The following MAP2K4 variants were observed in gnomAD, a reference collection of about 807,000 sequenced individuals.
MAP2K4 encodes dual specificity mitogen-activated protein kinase kinase 4.
Under a neutral mutation model 48.5 loss-of-function variants are expected in MAP2K4, and 4 were observed. That is an observed-to-expected ratio of 0.08 (90% CI 0.04 to 0.19). The LOEUF (loss-of-function observed/expected upper bound fraction) is 0.19. MAP2K4 is among the 10% of genes least tolerant of loss of function. The probability of loss-of-function intolerance (pLI) is 1.00; values close to 1 mark genes in which losing one functional copy is unlikely to be tolerated. For synonymous variants in MAP2K4, 166 were observed against 173.1 expected (o/e 0.96, Z 0.32); for missense variants, 258 against 493.3 (o/e 0.52, Z 4.52).
chr17:12,070,120 A>G (rs1970755119), intron 2 of MAP2K4, among the ~76,000 whole-genome samples: 1 of 151,316 alleles, frequency 6.6e-6, no homozygotes, highest in Admixed American at 6.6e-5. Flanking sequence ...AGAATGTGAT[A>G]GTGAAATAAG....
chr17:12,103,418 T>G (rs1238685444), intron 4 of MAP2K4, among the ~76,000 whole-genome samples: 1 of 152,066 alleles, frequency 6.6e-6, no homozygotes, highest in Non-Finnish European at 1.5e-5. Context: ...TCGTTCTGAT[T>G]GTGGTTTCTT....
chr17:12,033,855 C>T (rs1049448981), intron 1 of MAP2K4, among the ~76,000 whole-genome samples: 17 of 152,176 alleles, frequency 1.1e-4, no homozygotes, highest in South Asian at 2.1e-4. Flanking sequence ...ACTGTGTTTC[C>T]CAAGTTGGAG....
chr17:12,034,337 T>G (rs1969528816), intron 1 of MAP2K4, among the ~76,000 whole-genome samples: 1 of 152,226 alleles, frequency 6.6e-6, no homozygotes, highest in South Asian at 2.1e-4. Context: ...CAATGGAGGC[T>G]GGGACAGCGG....
intron 3 of MAP2K4, among the ~76,000 whole-genome samples, chr17:12,093,457 A>G (rs1971630896): frequency 6.6e-6 from 1 of 152,170 alleles, no homozygotes; most frequent in African/African-American, 2.4e-5. Flanking sequence ...CTCGCTCCCA[A>G]AAGTCAGTTA....
intron 8 of MAP2K4, among the ~76,000 whole-genome samples, chr17:12,126,171 G>T (rs1046734375): frequency 6.6e-6 from 1 of 152,152 alleles, no homozygotes; most frequent in Non-Finnish European, 1.5e-5. Context: ...TGAAATTTGG[G>T]TGGGGACACA....
intron 2 of MAP2K4, among the ~76,000 whole-genome samples, chr17:12,064,362 A>G (rs1597428618): frequency 6.6e-6 from 1 of 152,326 alleles, no homozygotes; most frequent in East Asian, 1.9e-4. Flanking sequence ...TATTACAGGC[A>G]TTGAGCCGCT....
intron 2 of MAP2K4, among the ~76,000 whole-genome samples, chr17:12,060,777 G>A (rs985024464): frequency 1.3e-5 from 2 of 151,818 alleles, no homozygotes; most frequent in South Asian, 4.2e-4. Flanking sequence ...CTGGTTTGGT[G>A]CTACTGCTGC....
intron 1 of MAP2K4, among the ~76,000 whole-genome samples, chr17:12,053,940 C>G (rs775626424): frequency 6.6e-6 from 1 of 152,006 alleles, no homozygotes; most frequent in Non-Finnish European, 1.5e-5. Context: ...AGAGTGAGTT[C>G]AGGAAAAAGT....
At chr17:12,126,139 A>T (rs975557671) in intron 8 of MAP2K4, among the ~76,000 whole-genome samples, 3 of 152,174 alleles carry the variant, frequency 2.0e-5, no homozygotes, top group African/African-American at 7.2e-5. Context: ...CTCCTTCAAC[A>T]CATAGGGATT....
At chr17:12,104,025 A>G (rs1014263389) in intron 4 of MAP2K4, among the ~76,000 whole-genome samples, 1 of 152,188 alleles carries the variant, frequency 6.6e-6, no homozygotes, top group African/African-American at 2.4e-5. Flanking sequence ...ATTATTTAGC[A>G]TATGTCCCTG....
At chr17:12,029,813 C>G (rs532175666) in intron 1 of MAP2K4, among the ~76,000 whole-genome samples, 2 of 151,818 alleles carry the variant, frequency 1.3e-5, no homozygotes, top group African/African-American at 4.8e-5. Context: ...GTGGCTTGCA[C>G]CTGCTGAGAT....
chr17:12,104,371 A>G (rs1390392963), intron 4 of MAP2K4, among the ~76,000 whole-genome samples: 1 of 152,130 alleles, frequency 6.6e-6, no homozygotes. Flanking sequence ...CATACATTGT[A>G]CAGAGGAAAG....
At position 12,130,946 on chromosome 17, in the gene MAP2K4, A is replaced by T. The variant is rs569733549; in HGVS notation, c.1040+1659A>T. Among the ~76,000 whole-genome samples the T allele has an allele frequency of 1.6e-3, 248 of 152,236 alleles. 4 individuals carry two copies. In the South Asian group the frequency reaches 0.022, roughly 13 times the overall value. On this transcript the variant is annotated intron_variant, in intron 9 of 10. Transcript: ENST00000353533. The stretch of plus-strand genomic sequence containing the variant: ...ATCATGTTACTTCTCTATCTAAAGT[A>T]TGCATTCTTAGCAGGGTGATATTGA...
At chr17:12,027,410 T>G (rs1405340109) in intron 1 of MAP2K4, among the ~76,000 whole-genome samples, 1 of 152,116 alleles carries the variant, frequency 6.6e-6, no homozygotes, top group African/African-American at 2.4e-5. Flanking sequence ...TTGTATTTCA[T>G]TTTACCCAAA....
intron 1 of MAP2K4, among the ~76,000 whole-genome samples, chr17:12,033,055 C>A (rs926294997): frequency 2.6e-5 from 4 of 151,974 alleles, no homozygotes; most frequent in Non-Finnish European, 5.9e-5. Context: ...AGGCTAGTCT[C>A]AAACTCCTGG....
At chr17:12,067,193 A>T (rs2151535986) in intron 2 of MAP2K4, among the ~76,000 whole-genome samples, 1 of 152,300 alleles carries the variant, frequency 6.6e-6, no homozygotes, top group Admixed American at 6.5e-5. Flanking sequence ...CTAGTTCCTT[A>T]TTGGTAGCTA....
At chr17:12,046,116 G>C (rs1349777451) in intron 1 of MAP2K4, among the ~76,000 whole-genome samples, 3 of 152,174 alleles carry the variant, frequency 2.0e-5, no homozygotes, top group Non-Finnish European at 4.4e-5. Flanking sequence ...ATGATGGTAT[G>C]AGTGAACTCT....
chr17:12,038,540 CCAA>C (rs1969674574), intron 1 of MAP2K4, among the ~76,000 whole-genome samples: 2 of 152,026 alleles, frequency 1.3e-5, no homozygotes, highest in African/African-American at 4.8e-5. Context: ...AAAGATATTA[CCAA>C]TGATAAGAAG....
chr17:12,032,822 C>A (rs915084857), intron 1 of MAP2K4, among the ~76,000 whole-genome samples: 1 of 151,206 alleles, frequency 6.6e-6, no homozygotes, highest in Non-Finnish European at 1.5e-5. Flanking sequence ...CTTTCTATAT[C>A]AAAAAAAAAG....
Sources: allele counts gnomAD v4.1 joint callset (sites outside exome capture counted in the v4.1 genomes callset), GRCh38; gene constraint gnomAD v4.1.1; transcripts MANE v1.5; gene names NCBI Gene and HGNC (gene_info 2026-07-23, HGNC 2026-07-21).